Variants in CACNA1A observed in about 807,000 individuals in gnomAD.
CACNA1A encodes voltage-dependent P/Q-type calcium channel subunit alpha-1A.
In CACNA1A, 57 loss-of-function variants were observed where a neutral mutation model predicts 262.4. That is an observed-to-expected ratio of 0.22 (90% CI 0.18 to 0.27). The LOEUF (loss-of-function observed/expected upper bound fraction) is 0.27. Among genes scored for constraint, CACNA1A ranks in the 10% least tolerant of loss-of-function variants. The pLI is 1.00. For synonymous variants in CACNA1A, 1,431 were observed against 1,419.3 expected (o/e 1.01, Z -0.18); for missense variants, 2,526 against 3,562.8 (o/e 0.71, Z 7.41).
At chr19:13,398,644 T>C (rs1422210837) in intron 3 of CACNA1A, among the ~76,000 whole-genome samples, 1 of 152,256 alleles carries the variant, frequency 6.6e-6, no homozygotes, top group Non-Finnish European at 1.5e-5. Context: ...GTTTATATCC[T>C]GCCTGATTAT....
intron 34 of CACNA1A, among the ~76,000 whole-genome samples, chr19:13,234,350 C>CAAAAAAAAAAAA (rs71168693): frequency 1.4e-5 from 1 of 71,244 alleles, no homozygotes; most frequent in Admixed American, 2.1e-4. Context: ...ACTCCATCTC[C>CAAAAAAAAAAAA]AAAAAAAAAA....
chr19:13,490,858 A>T (rs12981918), intron 1 of CACNA1A, among the ~76,000 whole-genome samples: 64,772 of 137,258 alleles, frequency 0.47, 14,621 homozygotes, highest in South Asian at 0.56. Context: ...GGAGGGAAAG[A>T]GAAAGGAAAG....
intron 3 of CACNA1A, among the ~76,000 whole-genome samples, chr19:13,428,118 G>T (rs2060439586): frequency 6.6e-6 from 1 of 152,170 alleles, no homozygotes; most frequent in Non-Finnish European, 1.5e-5. Context: ...AGCAGAGACA[G>T]GGTTTCACCC....
rs1473069840 is a variant in CACNA1A at position 13,298,740 on chromosome 19, C to T, written c.2893G>A (p.Gly965Arg). The T allele has an allele frequency of 4.7e-6, 7 of 1,503,338 alleles. No individual in the cohort carries two copies. The highest frequency in any genetic ancestry group is 5.3e-6 in the Non-Finnish European group (6 of 1,132,192). 93.1% of individuals were successfully genotyped at this position (1,503,338 alleles called of 1,614,324 possible). Residue 965 changes from glycine to arginine, a missense_variant, in exon 19 of 47, where the codon GGG (glycine) becomes AGG (arginine). Gly to Arg is a moderately radical substitution (Grantham distance 125). Around this residue, in one of 17 missense-constraint regions of CACNA1A, gnomAD observed 765 missense variants for 748.6 expected, o/e 1.02. Transcript: ENST00000360228. ...HRRHRAHRRPGEEGPEDKAER... is the reference protein window; with the variant it reads ...HRRHRAHRRPREEGPEDKAER... Reference sequence around the variant, plus strand: ...GCCTTGTCCTCCGGACCCTCCTCCCCGGGCCTGCGGTGCGCGCGATGACGT... The same window carrying T: ...GCCTTGTCCTCCGGACCCTCCTCCCTGGGCCTGCGGTGCGCGCGATGACGT...
intron 3 of CACNA1A, among the ~76,000 whole-genome samples, chr19:13,409,376 C>CTGTGTGTGTG (rs34775168): frequency 2.7e-5 from 4 of 149,042 alleles, no homozygotes; most frequent in African/African-American, 9.8e-5. Context: ...TTTGACAATC[C>CTGTGTGTGTG]TGTGTGTGTG....
chr19:13,237,800 C>T (rs1163374963), intron 31 of CACNA1A, among the ~76,000 whole-genome samples: 2 of 152,246 alleles, frequency 1.3e-5, no homozygotes, highest in Non-Finnish European at 2.9e-5. Context: ...CACCCAGCTC[C>T]ACCTGGGGAT....
intron 3 of CACNA1A, among the ~76,000 whole-genome samples, chr19:13,441,744 C>A (rs1311400755): frequency 6.6e-6 from 1 of 151,856 alleles, no homozygotes; most frequent in African/African-American, 2.4e-5. Flanking sequence ...TTCAAGCGGC[C>A]CACCAGGCAG....
At chr19:13,358,822 T>C (rs1346361429) in intron 6 of CACNA1A, among the ~76,000 whole-genome samples, 1 of 152,184 alleles carries the variant, frequency 6.6e-6, no homozygotes, top group Non-Finnish European at 1.5e-5. Context: ...ATACCTTCCT[T>C]TACACTTTGG....
chr19:13,212,513 G>A lies in CACNA1A; in HGVS notation c.6060C>T (p.His2020=), dbSNP rs1282402038. Residue 2020 remains histidine, a synonymous_variant, in exon 42 of 47, where the codon CAC becomes CAT. Coordinates refer to ENST00000360228, the MANE Select transcript of CACNA1A (RefSeq NM_001127222.2). This position sits in a 1 kb window ranked among gnomAD's most constrained non-coding sequence, Gnocchi z 5.6. ...ACGGGCTCTCCTTGAGGCCGCTTTC[G>A]TGAGCCATCCTGCATGGGGGACAGA... ...QLDPGGALMA[H]ESGLKESPSW... is the part of the protein sequence containing the mutation. 1.9e-6 allele frequency: 3 copies of A among 1,573,162 alleles called. No homozygotes were observed. Among genetic ancestry groups the A allele is most frequent in the South Asian group, 1.2e-5 (1 of 86,340 alleles).
chr19:13,296,324 A>G (rs2057666379), intron 19 of CACNA1A, among the ~76,000 whole-genome samples: 1 of 152,230 alleles, frequency 6.6e-6, no homozygotes, highest in South Asian at 2.1e-4. Flanking sequence ...CATCATTAAA[A>G]AAATCAATAT....
intron 3 of CACNA1A, among the ~76,000 whole-genome samples, chr19:13,430,158 C>T (rs542570980): frequency 1.3e-5 from 2 of 151,988 alleles, no homozygotes; most frequent in African/African-American, 4.8e-5. Flanking sequence ...CAACTAAACA[C>T]TTAAAAAATG....
rs2059189792 is a variant in CACNA1A, at chr19:13,365,357, A to G, written c.744T>C (p.Tyr248=). ...LIFAIIGLEF[Y]MGKFHTTCFE... is the part of the protein sequence containing the mutation. ...AGCAGGTGGTATGAAATTTTCCCAT[A>G]TAAAATTCTAACCCTATGATTGCAA... The change falls in exon 5 of 47, where the codon TAT becomes TAC. Residue 248 remains tyrosine, a synonymous_variant. Coordinates refer to ENST00000360228, the MANE Select transcript of CACNA1A (RefSeq NM_001127222.2). The G allele has an allele frequency of 6.2e-7, 1 of 1,613,410 alleles. No homozygotes were observed. Among genetic ancestry groups the G allele is most frequent in the Non-Finnish European group, 8.5e-7 (1 of 1,179,568 alleles).
chr19:13,447,496 A>C (rs1426728412), intron 3 of CACNA1A, among the ~76,000 whole-genome samples: 1 of 152,226 alleles, frequency 6.6e-6, no homozygotes, highest in Non-Finnish European at 1.5e-5. Flanking sequence ...CTTCAGAGGG[A>C]CAAAACTAAC....
At chr19:13,282,197 A>G (rs2144865438) in intron 22 of CACNA1A, among the ~76,000 whole-genome samples, 1 of 152,290 alleles carries the variant, frequency 6.6e-6, no homozygotes, top group Admixed American at 6.5e-5. Flanking sequence ...GGGAAAGTGC[A>G]TGGTAAGCTG....
At chr19:13,354,858 CTTTTCT>C (rs1200441562) in intron 6 of CACNA1A, among the ~76,000 whole-genome samples, 6 of 138,716 alleles carry the variant, frequency 4.3e-5, no homozygotes, top group African/African-American at 2.7e-5. Flanking sequence ...AGGGAGGATG[CTTTTCT>C]TTTTCTTTTT....
rs947695162 is a variant in CACNA1A at position 13,297,653 on chromosome 19, A to G, written c.3089+891T>C. 2.0e-5 allele frequency among the ~76,000 whole-genome samples: 3 copies of G among 152,086 alleles called. No homozygotes were observed. In the East Asian group the frequency reaches 5.8e-4, roughly 29 times the overall value. On this transcript the variant is annotated intron_variant, in intron 19 of 46. Coordinates refer to ENST00000360228, the MANE Select transcript of CACNA1A (RefSeq NM_001127222.2). ...CAGTGAAACCCTGTCTCTACAAAAC[A>G]CTGTCTCTACAAAAATTAGCCAGGC...
At chr19:13,311,863 A>T (rs2058041919) in intron 12 of CACNA1A, among the ~76,000 whole-genome samples, 2 of 151,618 alleles carry the variant, frequency 1.3e-5, no homozygotes. Context: ...AACAAAAAAT[A>T]AAAAAAAATA....
chr19:13,328,316 A>G (rs8101955), intron 10 of CACNA1A, among the ~76,000 whole-genome samples: 37,262 of 152,160 alleles, frequency 0.24, 5,753 homozygotes, highest in African/African-American at 0.44. Flanking sequence ...GCTTACAGGA[A>G]ATTAAACAGA....
intron 3 of CACNA1A, among the ~76,000 whole-genome samples, chr19:13,413,939 G>GAA: frequency 7.0e-6 from 1 of 141,972 alleles, no homozygotes; most frequent in Non-Finnish European, 1.6e-5. Context: ...AAGAAAGAAA[G>GAA]AAAGAAAAGG....
Sources: gnomAD v4.1 joint callset for allele counts (sites outside exome capture counted in the v4.1 genomes callset) on GRCh38, gnomAD v4.1.1 for gene constraint, gnomAD v4.1.1 regional missense constraint, Gnocchi (gnomAD v3.1) non-coding constraint, MANE v1.5 for transcripts, NCBI Gene and HGNC (gene_info 2026-07-23, HGNC 2026-07-21) for gene names.